The following ADARB2 variants were observed in gnomAD, a reference collection of about 807,000 sequenced individuals.
The protein encoded by ADARB2 is inactive double-stranded RNA-specific editase B2.
Under a neutral mutation model 62.2 loss-of-function variants are expected in ADARB2, and 25 were observed. The ratio of observed to expected loss-of-function variants is 0.40; its 90% CI spans 0.29 to 0.56. The LOEUF (loss-of-function observed/expected upper bound fraction) is 0.56, where lower values mean the gene tolerates loss of function less well. Ranked by LOEUF, ADARB2 falls within the 20% of genes least tolerant of loss-of-function variation. ADARB2 has a pLI of 0.43. For missense variants in ADARB2, 1,071 were observed against 1,077.4 expected (o/e 0.99, Z 0.08); for synonymous variants, 572 against 500.8 (o/e 1.14, Z -1.90).
intron 1 of ADARB2, among the ~76,000 whole-genome samples, chr10:1,649,262 A>G (rs1388750456): frequency 2.0e-5 from 3 of 152,210 alleles, no homozygotes. Flanking sequence ...ATGTACTTGT[A>G]CTTGGTTTGA....
chr10:1,481,747 C>T (rs1327085901), intron 1 of ADARB2, among the ~76,000 whole-genome samples: 3 of 151,706 alleles, frequency 2.0e-5, no homozygotes, highest in African/African-American at 7.3e-5. Flanking sequence ...ATCCCAGCTA[C>T]TCAGGAGGCT....
chr10:1,678,122 A>G, intron 1 of ADARB2: 1 of 982,128 alleles, frequency 1.0e-6, no homozygotes, highest in African/African-American at 1.7e-5. Context: ...TTCCAAAGGA[A>G]TGGGTGAGTG....
intron 1 of ADARB2, among the ~76,000 whole-genome samples, chr10:1,609,099 G>A (rs183300862): frequency 1.9e-4 from 29 of 152,302 alleles, no homozygotes; most frequent in African/African-American, 2.4e-4. Context: ...CCTGGTGCCC[G>A]GCGTCGCTGG....
At chr10:1,226,049 A>T (rs1031454890) in intron 6 of ADARB2, among the ~76,000 whole-genome samples, 1 of 152,190 alleles carries the variant, frequency 6.6e-6, no homozygotes, top group Admixed American at 6.5e-5. Context: ...AGGTACACCA[A>T]TCAGACGTAG....
intron 3 of ADARB2, among the ~76,000 whole-genome samples, chr10:1,308,681 G>A (rs1432946445): frequency 2.0e-5 from 3 of 152,202 alleles, no homozygotes; most frequent in Non-Finnish European, 4.4e-5. Context: ...AGTGTTCTGG[G>A]TTTTGGTACT....
rs185880837 is a variant in ADARB2 at position 1,311,735 on chromosome 10, C to T, written c.1078-40666G>A. ...TTGCTTCTTCTGTCTCCCACTGGGACCCCTGTCACTGCTACCTGGATGCTT... is the reference window on the plus strand; with the variant it reads ...TTGCTTCTTCTGTCTCCCACTGGGATCCCTGTCACTGCTACCTGGATGCTT... On this transcript the variant is annotated intron_variant, in intron 3 of 9. Transcript: ENST00000381312. Among the ~76,000 whole-genome samples, 845 of 152,322 alleles carry T rather than the reference C, an allele frequency of 5.5e-3. 6 individuals are homozygous for T. Among genetic ancestry groups the T allele is most frequent in the Middle Eastern group, 0.014 (4 of 294 alleles).
chr10:1,551,886 A>T (rs1393089017), intron 1 of ADARB2, among the ~76,000 whole-genome samples: 2 of 152,206 alleles, frequency 1.3e-5, no homozygotes, highest in South Asian at 2.1e-4. Context: ...GTGCTGGGAA[A>T]GGCAGACAGA....
rs576680770 is a variant in ADARB2 at position 1,409,163 on chromosome 10, G to A, written c.101-30003C>T. Among the ~76,000 whole-genome samples, 6 of 149,232 alleles carry A rather than the reference G, an allele frequency of 4.0e-5. No homozygotes were observed. The East Asian group carries it at 6.1e-4, about 15-fold the overall frequency. On this transcript the variant is annotated intron_variant, in intron 1 of 9. Transcript: ENST00000381312. Reference sequence around the variant, plus strand: ...CCCACGGAGCCCCCGCATCCAGCCCGGGGCAGGTATCTCTGCCTTCCTCGA... The same window carrying A: ...CCCACGGAGCCCCCGCATCCAGCCCAGGGCAGGTATCTCTGCCTTCCTCGA...
intron 1 of ADARB2, among the ~76,000 whole-genome samples, chr10:1,583,912 G>A (rs1017883263): frequency 6.6e-6 from 1 of 152,156 alleles, no homozygotes; most frequent in Non-Finnish European, 1.5e-5. Context: ...AGCAGCAAAG[G>A]TGCTATAATA....
At chr10:1,476,437 G>A (rs762308641) in intron 1 of ADARB2, among the ~76,000 whole-genome samples, 3 of 152,328 alleles carry the variant, frequency 2.0e-5, no homozygotes, top group South Asian at 4.1e-4. Context: ...CGTGGTGACT[G>A]TGCTCGTAAA....
intron 1 of ADARB2, among the ~76,000 whole-genome samples, chr10:1,681,494 A>T (rs894080017): frequency 5.3e-5 from 8 of 151,964 alleles, no homozygotes; most frequent in Non-Finnish European, 1.0e-4. Context: ...TTAAAAAAAA[A>T]AACCCTAAAC....
At chr10:1,505,913 T>G (rs1270013462) in intron 1 of ADARB2, among the ~76,000 whole-genome samples, 1 of 152,250 alleles carries the variant, frequency 6.6e-6, no homozygotes, top group Non-Finnish European at 1.5e-5. Flanking sequence ...TAAATAATCT[T>G]TCAATGTATC....
At chr10:1,489,260 G>T (rs1831590150) in intron 1 of ADARB2, among the ~76,000 whole-genome samples, 1 of 149,442 alleles carries the variant, frequency 6.7e-6, no homozygotes, top group South Asian at 2.1e-4. Context: ...GCCTCTCTGG[G>T]AGCTTCTGCA....
At chr10:1,266,265 G>T (rs556443101) in intron 4 of ADARB2, among the ~76,000 whole-genome samples, 109 of 152,350 alleles carry the variant, frequency 7.2e-4, no homozygotes, top group Middle Eastern at 3.4e-3. Flanking sequence ...GCCTGGGAGG[G>T]CCCAGCCTCG....
rs114867194 is a variant in ADARB2, at chr10:1,483,668, T to C, written c.101-104508A>G. Among the ~76,000 whole-genome samples, 251 of 66,940 alleles carry C rather than the reference T, an allele frequency of 3.7e-3. 1 individual carries two copies. Among genetic ancestry groups the C allele is most frequent in the African/African-American group, 0.016 (238 of 14,798 alleles). 43.9% of individuals were successfully genotyped at this position (66,940 alleles called of 152,430 possible). On this transcript the variant is annotated intron_variant, in intron 1 of 9. Transcript: ENST00000381312. ...ACCCAGAAAGTCAGTTTGATTATTATGTGATGCCAACAAAAGTGTTTGAAA... is the reference window on the plus strand; with the variant it reads ...ACCCAGAAAGTCAGTTTGATTATTACGTGATGCCAACAAAAGTGTTTGAAA...
rs751357914 is a variant in ADARB2 at position 1,281,543 on chromosome 10, G to A, written c.1078-10474C>T. ...GTTTCTGAGAATCTGTCCAGCTCTC[G>A]TGCAAGTCCAGCCTTGGTGAAAGAC... On this transcript the variant is annotated intron_variant, in intron 3 of 9. Coordinates refer to ENST00000381312, the MANE Select transcript of ADARB2 (RefSeq NM_018702.4). Among the ~76,000 whole-genome samples the A allele has an allele frequency of 3.3e-5, 5 of 152,224 alleles. No individual in the cohort carries two copies. In the East Asian group the frequency reaches 5.8e-4, roughly 18 times the overall value.
At chr10:1,206,564 C>T (rs980022662) in intron 7 of ADARB2, among the ~76,000 whole-genome samples, 5 of 152,174 alleles carry the variant, frequency 3.3e-5, no homozygotes, top group African/African-American at 4.8e-5. Context: ...GAGAGAACTG[C>T]GGTGGCCCCT....
rs1443920932 is a variant in ADARB2 at position 1,477,548 on chromosome 10, T to C, written c.101-98388A>G. Among the ~76,000 whole-genome samples the C allele has an allele frequency of 6.6e-6, 1 of 152,158 alleles. No homozygotes were observed. The highest frequency in any genetic ancestry group is 6.5e-5 in the Admixed American group (1 of 15,274). On this transcript the variant is annotated intron_variant, in intron 1 of 9. Coordinates refer to ENST00000381312, the MANE Select transcript of ADARB2 (RefSeq NM_018702.4). This position sits in a 1 kb window ranked among gnomAD's most constrained non-coding sequence, Gnocchi z 4.5. Reference sequence around the variant, plus strand: ...CTTTACCCACGACTGTCTTGGTAAATTCTTTTACCACCCGTGACACCAGCC... The same window carrying C: ...CTTTACCCACGACTGTCTTGGTAAACTCTTTTACCACCCGTGACACCAGCC...
intron 3 of ADARB2, among the ~76,000 whole-genome samples, chr10:1,317,641 A>T (rs553482896): frequency 8.6e-5 from 13 of 150,974 alleles, no homozygotes; most frequent in Non-Finnish European, 1.6e-4. Context: ...CAATTCCCTG[A>T]TGTTGCTGGT....
Sources: gnomAD v4.1 joint callset for allele counts (sites outside exome capture counted in the v4.1 genomes callset) on GRCh38, gnomAD v4.1.1 for gene constraint, Gnocchi (gnomAD v3.1) non-coding constraint, MANE v1.5 for transcripts, NCBI Gene and HGNC (gene_info 2026-07-23, HGNC 2026-07-21) for gene names.